EFCAB5: variants seen among roughly 807,000 people sequenced by gnomAD.
The protein encoded by EFCAB5 is EF-hand calcium-binding domain-containing protein 5.
EFCAB5 carries 131 observed loss-of-function variants against 167.9 expected under a neutral mutation model. That is an observed-to-expected ratio of 0.78 (90% confidence interval 0.68 to 0.90). The LOEUF (loss-of-function observed/expected upper bound fraction) is 0.90, where lower values mean the gene tolerates loss of function less well. Ranked by LOEUF, EFCAB5 falls within the 40% of genes least tolerant of loss-of-function variation. The pLI, the probability that EFCAB5 is intolerant of heterozygous loss-of-function variation, is 0.00. For synonymous variants in EFCAB5, 574 were observed against 602.8 expected (o/e 0.95, Z 0.70); for missense variants, 1,663 against 1,745.2 (o/e 0.95, Z 0.84).
chr17:29,958,068 G>A (rs1036855439), intron 3 of EFCAB5, among the ~76,000 whole-genome samples: 12 of 152,148 alleles, frequency 7.9e-5, no homozygotes, highest in African/African-American at 2.9e-4. Context: ...TGGTTTGCTA[G>A]TATTTTGTGG....
intron 1 of EFCAB5, among the ~76,000 whole-genome samples, chr17:29,931,384 C>A (rs1296650805): frequency 6.6e-6 from 1 of 152,134 alleles, no homozygotes; most frequent in East Asian, 1.9e-4. Flanking sequence ...CCACAAGAGT[C>A]CTCTGTGCTG....
At chr17:29,951,390 T>A (rs2067505121) in intron 3 of EFCAB5, among the ~76,000 whole-genome samples, 1 of 152,104 alleles carries the variant, frequency 6.6e-6, no homozygotes, top group Non-Finnish European at 1.5e-5. Context: ...CAGGCTGGAG[T>A]GCAGTGGGGC....
At chr17:30,041,210 AGAAG>A (rs61335450) in intron 8 of EFCAB5, among the ~76,000 whole-genome samples, 10 of 149,980 alleles carry the variant, frequency 6.7e-5, no homozygotes, top group Admixed American at 3.3e-4. Context: ...AAGAAAGGAA[AGAAG>A]GAAGGAAGGA....
intron 14 of EFCAB5, among the ~76,000 whole-genome samples, chr17:30,063,276 C>T (rs944106570): frequency 6.6e-6 from 1 of 152,190 alleles, no homozygotes; most frequent in Non-Finnish European, 1.5e-5. Context: ...TGCCACCGTA[C>T]CTGGTCTTAT....
chr17:29,943,949 G>A (rs2067344777), intron 3 of EFCAB5, among the ~76,000 whole-genome samples: 1 of 151,876 alleles, frequency 6.6e-6, no homozygotes, highest in Admixed American at 6.6e-5. Flanking sequence ...CTCCAGCCTG[G>A]GTGACAGAGC....
intron 4 of EFCAB5, among the ~76,000 whole-genome samples, chr17:29,979,988 G>A (rs1178036743): frequency 6.6e-6 from 1 of 152,038 alleles, no homozygotes; most frequent in Non-Finnish European, 1.5e-5. Flanking sequence ...GACCAACATG[G>A]TGAAACCCCC....
chr17:30,065,818 T>C (rs2070552191), intron 14 of EFCAB5: 1 of 152,196 alleles, frequency 6.6e-6, no homozygotes, highest in African/African-American at 2.4e-5. Flanking sequence ...TAGCTATACT[T>C]AGACAAAACA....
chr17:29,983,130 A>T (rs1022608714), intron 4 of EFCAB5, among the ~76,000 whole-genome samples: 1 of 152,174 alleles, frequency 6.6e-6, no homozygotes, highest in African/African-American at 2.4e-5. Context: ...TATCAATTAG[A>T]CTCACTCATG....
chr17:29,997,181 G>T (rs2068562779), intron 6 of EFCAB5, among the ~76,000 whole-genome samples: 1 of 151,554 alleles, frequency 6.6e-6, no homozygotes, highest in Admixed American at 6.6e-5. Context: ...GGAGGCGGAG[G>T]TTGCAGTGAG....
chr17:29,975,709 G>C (rs139356808), intron 4 of EFCAB5, among the ~76,000 whole-genome samples: 1 of 152,146 alleles, frequency 6.6e-6, no homozygotes, highest in Non-Finnish European at 1.5e-5. Flanking sequence ...CAGAACTCTT[G>C]TTTTATGTGT....
chr17:30,041,725 C>G (rs903201297), intron 8 of EFCAB5, among the ~76,000 whole-genome samples: 3 of 152,178 alleles, frequency 2.0e-5, no homozygotes, highest in Admixed American at 6.5e-5. Context: ...TCAACAGATG[C>G]AGCAAACTTC....
chr17:30,090,833 G>A (rs559744802), intron 20 of EFCAB5, among the ~76,000 whole-genome samples, 159 bp downstream of exon 20: 1 of 152,138 alleles, frequency 6.6e-6, no homozygotes, highest in Non-Finnish European at 1.5e-5. Flanking sequence ...GCGCTGACGA[G>A]TAATGTCTAC....
At chr17:29,959,718 C>T (rs989937646) in intron 3 of EFCAB5, among the ~76,000 whole-genome samples, 1 of 152,132 alleles carries the variant, frequency 6.6e-6, no homozygotes, top group Non-Finnish European at 1.5e-5. Context: ...CAAGACAAAG[C>T]CCTCTTTACT....
rs558415567 is a variant in EFCAB5, at chr17:30,039,818, G to A, written c.1200+5433G>A. Among the ~76,000 whole-genome samples the A allele has an allele frequency of 1.2e-3, 190 of 152,262 alleles. 1 individual carries two copies. The highest frequency in any genetic ancestry group is 5.8e-3 in the Admixed American group (88 of 15,292). On this transcript the variant is annotated intron_variant, in intron 8 of 22. Coordinates refer to ENST00000394835, the MANE Select transcript of EFCAB5 (RefSeq NM_198529.4). Reference sequence around the variant, plus strand: ...GTTTAGGATCAGAGGTCACTGGAAAGGATCCTTCTTTAAGATGTGCTTTGT... The same window carrying A: ...GTTTAGGATCAGAGGTCACTGGAAAAGATCCTTCTTTAAGATGTGCTTTGT...
At chr17:30,059,263 T>C (rs1307333917) in intron 13 of EFCAB5, 1 of 197,034 alleles carries the variant, frequency 5.1e-6, no homozygotes, top group Non-Finnish European at 1.0e-5. Flanking sequence ...TTCTAAAAAT[T>C]TTTAAAAAAA....
chr17:29,980,098 G>A (rs1015049221), intron 4 of EFCAB5, among the ~76,000 whole-genome samples: 1 of 152,190 alleles, frequency 6.6e-6, no homozygotes, highest in African/African-American at 2.4e-5. Context: ...GACCCCGGGA[G>A]GCGGAGGTTG....
intron 4 of EFCAB5, among the ~76,000 whole-genome samples, chr17:29,990,456 G>T (rs2068389864): frequency 6.6e-6 from 1 of 152,040 alleles, no homozygotes; most frequent in African/African-American, 2.4e-5. Context: ...CTGCTTTCCA[G>T]GGAACAAAAG....
At chr17:30,004,451 A>G (rs1426323425) in intron 7 of EFCAB5, among the ~76,000 whole-genome samples, 1 of 152,164 alleles carries the variant, frequency 6.6e-6, no homozygotes, top group Non-Finnish European at 1.5e-5. Context: ...GATTTCTTTA[A>G]AGGTTAGATA....
chr17:30,105,108 G>A (rs1169068510), intron 22 of EFCAB5, among the ~76,000 whole-genome samples: 1 of 152,148 alleles, frequency 6.6e-6, no homozygotes, highest in Admixed American at 6.5e-5. Context: ...GTGTCCTAGG[G>A]TGAATTTTAT....
Sources: allele counts gnomAD v4.1 joint callset (sites outside exome capture counted in the v4.1 genomes callset), GRCh38; gene constraint gnomAD v4.1.1; transcripts MANE v1.5; gene names NCBI Gene and HGNC (gene_info 2026-07-23, HGNC 2026-07-21).